The following CCSER1 variants were observed in gnomAD, a reference collection of about 807,000 sequenced individuals.
CCSER1 encodes serine-rich coiled-coil domain-containing protein 1.
In CCSER1, 41 loss-of-function variants were observed where a neutral mutation model predicts 82.0. The ratio of observed to expected loss-of-function variants is 0.50; its 90% CI spans 0.39 to 0.65. CCSER1 has a LOEUF of 0.65. Ranked by LOEUF, CCSER1 falls within the 30% of genes least tolerant of loss-of-function variation. CCSER1 has a pLI of 0.00. For missense variants in CCSER1, 1,119 were observed against 1,064.2 expected (o/e 1.05, Z -0.72); for synonymous variants, 414 against 383.9 (o/e 1.08, Z -0.92).
At chr4:91,029,811 A>G (rs1740814756) in intron 9 of CCSER1, among the ~76,000 whole-genome samples, 1 of 152,126 alleles carries the variant, frequency 6.6e-6, no homozygotes, top group Non-Finnish European at 1.5e-5. Flanking sequence ...CATTTAGAAC[A>G]GTACTGTAAG....
intron 10 of CCSER1, among the ~76,000 whole-genome samples, chr4:91,288,757 A>C (rs1022928374): frequency 2.0e-5 from 3 of 152,038 alleles, no homozygotes; most frequent in Non-Finnish European, 4.4e-5. Context: ...CATTGCAGCT[A>C]GGGGAAGGGA....
chr4:91,114,944 CCTT>C (rs1726415302), intron 10 of CCSER1, among the ~76,000 whole-genome samples: 1 of 152,046 alleles, frequency 6.6e-6, no homozygotes, highest in Non-Finnish European at 1.5e-5. Flanking sequence ...CAGTTTATCT[CCTT>C]CTCTTAATAT....
chr4:90,719,381 T>C (rs998499930), intron 6 of CCSER1, among the ~76,000 whole-genome samples: 1 of 152,152 alleles, frequency 6.6e-6, no homozygotes, highest in Non-Finnish European at 1.5e-5. Flanking sequence ...TGGTGAGTTG[T>C]ATAATTATTT....
chr4:90,272,446 T>A (rs577118606), intron 1 of CCSER1, among the ~76,000 whole-genome samples: 3 of 152,158 alleles, frequency 2.0e-5, no homozygotes, highest in Non-Finnish European at 4.4e-5. Flanking sequence ...GAAACTCTCA[T>A]GCGCTGTTGG....
chr4:91,001,472 A>G (rs1738028647), intron 9 of CCSER1, among the ~76,000 whole-genome samples: 1 of 152,158 alleles, frequency 6.6e-6, no homozygotes, highest in African/African-American at 2.4e-5. Context: ...AAATAGTTTC[A>G]TATAGAATAT....
intron 10 of CCSER1, among the ~76,000 whole-genome samples, chr4:91,392,234 C>A (rs772077549): frequency 3.3e-5 from 5 of 151,870 alleles, no homozygotes; most frequent in Non-Finnish European, 7.4e-5. Flanking sequence ...CTGAAAATAG[C>A]AGGATATTTC....
At chr4:90,584,948 A>C (rs1288810586) in intron 5 of CCSER1, among the ~76,000 whole-genome samples, 1 of 152,216 alleles carries the variant, frequency 6.6e-6, no homozygotes, top group Non-Finnish European at 1.5e-5. Context: ...TGAAAGCCAC[A>C]TAATGAAAGA....
At chr4:91,408,583 T>C (rs1163795407) in intron 10 of CCSER1, among the ~76,000 whole-genome samples, 3 of 152,210 alleles carry the variant, frequency 2.0e-5, no homozygotes, top group Admixed American at 2.0e-4. Context: ...TCCTAAATTT[T>C]ATTTGCCTGC....
intron 8 of CCSER1, among the ~76,000 whole-genome samples, chr4:90,901,192 G>C (rs1466465153): frequency 6.6e-6 from 1 of 151,718 alleles, no homozygotes; most frequent in African/African-American, 2.4e-5. Context: ...TTTTGCATGA[G>C]ATATGTCTCT....
At chr4:90,742,661 A>G (rs888088972) in intron 7 of CCSER1, among the ~76,000 whole-genome samples, 3 of 152,146 alleles carry the variant, frequency 2.0e-5, no homozygotes, top group Non-Finnish European at 4.4e-5. Context: ...CCACCCAGTT[A>G]ATGGTACCAT....
chr4:90,979,281 C>A (rs746685796), intron 9 of CCSER1, among the ~76,000 whole-genome samples: 19 of 151,598 alleles, frequency 1.3e-4, no homozygotes, highest in Middle Eastern at 3.4e-3. Context: ...TTCATTCATT[C>A]AGTCATTCAT....
chr4:90,278,681 G>C (rs1457422959), intron 1 of CCSER1, among the ~76,000 whole-genome samples: 9 of 151,910 alleles, frequency 5.9e-5, no homozygotes, highest in African/African-American at 2.2e-4. Flanking sequence ...CTAGAAAAAG[G>C]GGGGATGGAA....
At chr4:90,479,582 T>A (rs1221611575) in intron 5 of CCSER1, among the ~76,000 whole-genome samples, 1 of 151,592 alleles carries the variant, frequency 6.6e-6, no homozygotes, top group Non-Finnish European at 1.5e-5. Flanking sequence ...TCTGTCCATG[T>A]GTACTCATTG....
intron 10 of CCSER1, among the ~76,000 whole-genome samples, chr4:91,502,136 G>A (rs1230231671): frequency 6.6e-6 from 1 of 152,162 alleles, no homozygotes. Context: ...TACAGTTCAA[G>A]GAGAGGACTG....
chr4:91,174,457 T>C (rs901593512), intron 10 of CCSER1, among the ~76,000 whole-genome samples: 4 of 152,110 alleles, frequency 2.6e-5, no homozygotes, highest in African/African-American at 9.7e-5. Flanking sequence ...TTTTAATTTT[T>C]ATTTTACTAT....
intron 10 of CCSER1, among the ~76,000 whole-genome samples, chr4:91,211,821 G>A (rs1411134673): frequency 6.6e-6 from 1 of 151,128 alleles, no homozygotes; most frequent in Admixed American, 6.6e-5. Context: ...ATTATCAGTA[G>A]TAAATAGTGA....
At chr4:91,296,029 A>G (rs1183505816) in intron 10 of CCSER1, among the ~76,000 whole-genome samples, 3 of 151,908 alleles carry the variant, frequency 2.0e-5, no homozygotes, top group Non-Finnish European at 4.4e-5. Context: ...GGCTTTTTGA[A>G]ATGAAATATT....
At position 90,356,719 on chromosome 4, in the gene CCSER1, C is replaced by A. The variant is rs115907048; in HGVS notation, c.1510-43317C>A. 3.2e-3 allele frequency among the ~76,000 whole-genome samples: 487 copies of A among 151,864 alleles called. 2 individuals are homozygous for A. The highest frequency in any genetic ancestry group is 5.9e-3 in the Non-Finnish European group (402 of 67,722). ...TATTAAATCGTTTATGTATCCAATA[C>A]TGATACCATATAAATTCATGCATTA... On this transcript the variant is annotated intron_variant, in intron 3 of 10. Transcript: ENST00000509176.
chr4:91,400,198 C>A (rs558844120), intron 10 of CCSER1, among the ~76,000 whole-genome samples: 1 of 152,060 alleles, frequency 6.6e-6, no homozygotes, highest in Admixed American at 6.6e-5. Context: ...AACTTACTTT[C>A]TTGCTTGGTT....
Sources: gnomAD v4.1 joint callset for allele counts (sites outside exome capture counted in the v4.1 genomes callset) on GRCh38, gnomAD v4.1.1 for gene constraint, MANE v1.5 for transcripts, NCBI Gene and HGNC (gene_info 2026-07-23, HGNC 2026-07-21) for gene names.